Variants in POLRMT observed in about 807,000 individuals in gnomAD.
POLRMT encodes RNA polymerase mitochondrial, also known as DNA-directed RNA polymerase, mitochondrial.
In POLRMT, 114 loss-of-function variants were observed where a neutral mutation model predicts 132.2. The observed-to-expected ratio is 0.86, with a 90% CI of 0.74 to 1.01. POLRMT has a LOEUF of 1.01. Ranked by LOEUF, POLRMT falls within the 50% of genes least tolerant of loss-of-function variation. The pLI is 0.00. For synonymous variants in POLRMT, 1,020 were observed against 773.4 expected (o/e 1.32, Z -5.29); for missense variants, 2,003 against 1,729.1 (o/e 1.16, Z -2.81).
At chr19:630,327 C>T (rs551953750) in intron 2 of POLRMT, among the ~76,000 whole-genome samples, 159 bp from the exon 3 acceptor site, 2 of 152,146 alleles carry the variant, frequency 1.3e-5, no homozygotes, top group African/African-American at 2.4e-5. Context: ...GTAAGGTCTG[C>T]CCGCTGCTTT....
Position 630,103 on chromosome 19 carries a change from C to A in POLRMT, c.259G>T (p.Asp87Tyr). 6.2e-7 allele frequency: 1 copy of A among 1,613,464 alleles called. No homozygotes were observed. The highest frequency in any genetic ancestry group is 8.5e-7 in the Non-Finnish European group (1 of 1,179,788). Residue 87 changes from aspartate (D) to tyrosine (Y), a missense_variant, in exon 3 of 21, where the codon GAT becomes TAT. By Grantham distance (160) the Asp-to-Tyr change is radical. Coordinates refer to ENST00000588649, the MANE Select transcript of POLRMT (RefSeq NM_005035.4). ...CCACATTCTGGGAGCCGCGCCACAT[C>A]CACCCTGTTCACCACCACCTCCGAC... ...SVSEVVVNRV[D>Y]VARLPECGSG...
chr19:617,867 A>C lies in POLRMT; in HGVS notation c.3423-18T>G, dbSNP rs1161444027. The C allele has an allele frequency of 6.2e-7, 1 of 1,611,720 alleles. No individual in the cohort carries two copies. The highest frequency in any genetic ancestry group is 1.1e-5 in the South Asian group (1 of 91,040). ...GGCCCTTCCTGTGGCAGAGCGGAGGACTCCTGAAGGGAGGGGAGCTCACAG... is the reference window on the plus strand; with the variant it reads ...GGCCCTTCCTGTGGCAGAGCGGAGGCCTCCTGAAGGGAGGGGAGCTCACAG... On this transcript the variant is annotated intron_variant, in intron 17 of 20. Transcript: ENST00000588649.
At position 621,138 on chromosome 19, in the gene POLRMT, G is replaced by A. The variant is rs996390840; in HGVS notation, c.2560C>T (p.Arg854Trp). The A allele has an allele frequency of 4.3e-6, 7 of 1,610,986 alleles. No individual in the cohort carries two copies. The highest frequency in any genetic ancestry group is 5.9e-6 in the Non-Finnish European group (7 of 1,178,746). The stretch of plus-strand genomic sequence containing the variant: ...GCCAGGCGCTTCCGCAGCGGCTCCC[G>A]CTTCTTCAACCCCGTGAGATTGACC... ...HLVNLTGLKK[R>W]EPLRKRLAFA... Residue 854 changes from arginine to tryptophan, a missense_variant, in exon 10 of 21, where the codon CGG becomes TGG. By Grantham distance (101) the Arg-to-Trp change is moderately radical. Coordinates refer to ENST00000588649, the MANE Select transcript of POLRMT (RefSeq NM_005035.4).
intron 17 of POLRMT, 42 bp from the exon 18 acceptor site, chr19:617,891 AG>A: frequency 6.4e-7 from 1 of 1,574,476 alleles, no homozygotes; most frequent in Non-Finnish European, 8.7e-7. Context: ...GGGAGCTCAC[AG>A]GGCCACCCAG....
rs1984571058 is a variant in POLRMT at position 621,328 on chromosome 19, C to T, written c.2370G>A (p.Arg790=). The change falls in exon 10 of 21, where the codon CGG becomes CGA. Residue 790 remains arginine (R), a synonymous_variant. Transcript: ENST00000588649. ...LYRLSLAQHL[R]DRVFWLPHNM... is the part of the protein sequence containing the mutation. ...TGTGCGGCAGCCAGAAGACGCGGTC[C>T]CGCAGGTGCTGCGCCAGCGAGAGGC... 6.3e-7 allele frequency: 1 copy of T among 1,593,234 alleles called. No homozygotes were observed. Among genetic ancestry groups the T allele is most frequent in the Non-Finnish European group, 8.5e-7 (1 of 1,176,034 alleles).
At chr19:617,993 G>GCCCCT (rs1170172432) in intron 17 of POLRMT, 144 bp from the exon 18 acceptor site, 14 of 530,508 alleles carry the variant, frequency 2.6e-5, no homozygotes, top group Admixed American at 1.3e-4. Flanking sequence ...CCCTCGCCCC[G>GCCCCT]CCCCTCCCCA....
In POLRMT at chr19:631,510, G is replaced by A. The variant is rs138257579; in HGVS notation, c.193+1324C>T. ...AAAAATTAACCGGGCGTGGTGGTGC[G>A]CGCCTGTAGTTCCAGCTACTCGGGA... On this transcript the variant is annotated intron_variant, in intron 2 of 20. Coordinates refer to ENST00000588649, the MANE Select transcript of POLRMT (RefSeq NM_005035.4). Among the ~76,000 whole-genome samples, 1,789 of 151,946 alleles carry A rather than the reference G, an allele frequency of 0.012. 83 individuals are homozygous for A. The East Asian group carries it at 0.15, about 13-fold the overall frequency.
At position 617,482 on chromosome 19, in the gene POLRMT, T is replaced by C; in HGVS notation, c.3582-2A>G. 6.8e-7 allele frequency: 1 copy of C among 1,477,684 alleles called. No homozygotes were observed. Among genetic ancestry groups the C allele is most frequent in the Non-Finnish European group, 9.1e-7 (1 of 1,100,886 alleles). 91.5% of individuals were successfully genotyped at this position (1,477,684 alleles called of 1,614,324 possible). On this transcript the variant is annotated splice_acceptor_variant, in intron 19 of 20. Coordinates refer to ENST00000588649, the MANE Select transcript of POLRMT (RefSeq NM_005035.4). LOFTEE classifies it high-confidence loss of function. ...CTGGCCTCCAAGATCTTCTGGGGCC[T>C]GGGGTTGGAAGCAGGGTGGGGTGAG...
intron 3 of POLRMT, among the ~76,000 whole-genome samples, chr19:627,762 T>C (rs1206434103): frequency 6.6e-6 from 1 of 150,790 alleles, no homozygotes; most frequent in East Asian, 2.0e-4. Flanking sequence ...CCGTCTCTAC[T>C]AAAAATACAA....
At chr19:619,442 A>T in intron 13 of POLRMT, 144 bp downstream of exon 13, 1 of 1,365,888 alleles carries the variant, frequency 7.3e-7, no homozygotes, top group Non-Finnish European at 1.0e-6. Flanking sequence ...GCAGTCAGCA[A>T]GAAACGCCCA....
intron 2 of POLRMT, among the ~76,000 whole-genome samples, chr19:631,818 C>T (rs915211929): frequency 1.3e-5 from 2 of 152,060 alleles, no homozygotes; most frequent in Admixed American, 6.6e-5. Context: ...CTCGGCTCAC[C>T]GCAACCTCCA....
intron 1 of POLRMT, 68 bp downstream of exon 1, chr19:633,356 GC>G: frequency 5.0e-6 from 7 of 1,393,244 alleles, no homozygotes; most frequent in South Asian, 1.7e-5. Context: ...AGCGCCAAAG[GC>G]CCCGGCCGCG....
intron 3 of POLRMT, among the ~76,000 whole-genome samples, chr19:626,630 CAAAAAAAA>C (rs59425267): frequency 0.041 from 3,056 of 74,170 alleles, 156 homozygotes; most frequent in African/African-American, 0.16. Flanking sequence ...ACTAAAAATA[CAAAAAAAA>C]AAAAAAAAAA....
Position 622,603 on chromosome 19 carries a change from G to C in POLRMT, c.1605C>G (p.Cys535Trp), listed in dbSNP as rs753224268. 3.7e-6 allele frequency: 6 copies of C among 1,604,914 alleles called. No homozygotes were observed. Among genetic ancestry groups the C allele is most frequent in the Non-Finnish European group, 5.1e-6 (6 of 1,176,494 alleles). The change falls in exon 8 of 21, where the codon TGC (cysteine) becomes TGG (tryptophan). Residue 535 changes from cysteine (C) to tryptophan (W), a missense_variant. Coordinates refer to ENST00000588649, the MANE Select transcript of POLRMT (RefSeq NM_005035.4). ...ALQNHYRKYL[C>W]LLASDAEVPE... ...TCACCTCGGCGTCGGAGGCCAGCAA[G>C]CAGAGGTACTTCCTGTAGTGGTTCT...
At chr19:622,498 G>C in intron 8 of POLRMT, 84 bp downstream of exon 8, 1 of 1,485,786 alleles carries the variant, frequency 6.7e-7, no homozygotes, top group Non-Finnish European at 9.0e-7. Context: ...ACTGAAGCTT[G>C]GGTGCAAACC....
intron 3 of POLRMT, among the ~76,000 whole-genome samples, chr19:627,963 G>A (rs1416298735): frequency 1.3e-5 from 2 of 148,740 alleles, no homozygotes; most frequent in African/African-American, 2.5e-5. Flanking sequence ...CAATGCCTTA[G>A]CCTGGCTAAC....
rs1568176712 is a variant in POLRMT, at chr19:630,128, C to A, written c.234G>T (p.Val78=). 6.2e-7 allele frequency: 1 copy of A among 1,610,016 alleles called. No individual in the cohort carries two copies. ...ARVRQLQAES[V]SEVVVNRVDV... is the part of the protein sequence containing the mutation. ...CCACCCTGTTCACCACCACCTCCGACACGCTCTCAGCCTGCAGCTGCCGCA... is the reference window on the plus strand; with the variant it reads ...CCACCCTGTTCACCACCACCTCCGAAACGCTCTCAGCCTGCAGCTGCCGCA... The change falls in exon 3 of 21, where the codon GTG becomes GTT. Residue 78 remains valine (V), a synonymous_variant. Coordinates refer to ENST00000588649, the MANE Select transcript of POLRMT (RefSeq NM_005035.4).
intron 6 of POLRMT, 56 bp from the exon 7 acceptor site, chr19:623,041 C>CACAGG (rs1447350185): frequency 5.7e-6 from 9 of 1,585,686 alleles, no homozygotes; most frequent in African/African-American, 2.7e-5. Context: ...GACCCAGGCT[C>CACAGG]ACAGGACGGG....
At position 623,352 on chromosome 19, in the gene POLRMT, A is replaced by G; in HGVS notation, c.1290+102T>C. ...TGCGGCGGACACGCGACCCCGGCTC[A>G]GCCCCTGCGGCGGACACGGGACCCC... is the stretch of plus-strand genomic sequence containing the variant. On this transcript the variant is annotated intron_variant, in intron 6 of 20. Transcript: ENST00000588649. 1.3e-6 allele frequency: 2 copies of G among 1,521,456 alleles called. 1 individual carries two copies. The highest frequency in any genetic ancestry group is 1.8e-6 in the Non-Finnish European group (2 of 1,140,588). 94.2% of individuals were successfully genotyped at this position (1,521,456 alleles called of 1,614,324 possible). A position where few individuals can be genotyped will look rare whatever the true frequency, so the allele number is the denominator to read the frequency against.
Sources: allele counts gnomAD v4.1 joint callset (sites outside exome capture counted in the v4.1 genomes callset), GRCh38; gene constraint gnomAD v4.1.1; transcripts MANE v1.5; gene names NCBI Gene and HGNC (gene_info 2026-07-23, HGNC 2026-07-21).